CD27: variants seen among roughly 807,000 people sequenced by gnomAD.
CD27 encodes CD27 antigen.
In CD27, 16 loss-of-function variants were observed where a neutral mutation model predicts 25.9. The observed-to-expected ratio is 0.62, with a 90% CI of 0.42 to 0.94. The LOEUF is 0.94. CD27 is among the 40% of genes least tolerant of loss of function. CD27 has a pLI of 0.00. For missense variants in CD27, 300 were observed against 333.2 expected, an observed-to-expected ratio of 0.90 and a Z score of 0.78; for synonymous variants, 142 against 124.3, an observed-to-expected ratio of 1.14 and a Z score of -0.95.
At chr12:6,444,416 T>C (rs1476112929), upstream of CD27, among the ~76,000 whole-genome samples, 2 of 152,098 alleles carry the variant, frequency 1.3e-5, no homozygotes, top group African/African-American at 4.8e-5. Flanking sequence ...TGCAGAAATG[T>C]TGCGTTTGAT....
chr12:6,445,280 A>G lies in CD27; in HGVS notation c.136+49A>G. ...CCAGGTGAGTGGCGAAAGAGAGAGG[A>G]CTGGGGTTAATACAGTAAATAGGCG... On this transcript the variant is annotated intron_variant, in intron 1 of 5. Coordinates refer to ENST00000266557, the MANE Select transcript of CD27 (RefSeq NM_001242.5). The surrounding 1 kb of genome is among the most constrained non-coding windows in gnomAD (Gnocchi z 4.5). 6.2e-7 allele frequency: 1 copy of G among 1,611,862 alleles called. No homozygotes were observed. Among genetic ancestry groups the G allele is most frequent in the Non-Finnish European group, 8.5e-7 (1 of 1,179,152 alleles).
chr12:6,451,132 G>A, intron 5 of CD27, 118 bp downstream of exon 5: 1 of 1,548,018 alleles, frequency 6.5e-7, no homozygotes, highest in South Asian at 1.2e-5. Context: ...ACCAGCCTTG[G>A]TCCTACCCCT....
Position 6,450,226 on chromosome 12 carries a change from A to G in CD27, c.322A>G (p.Asn108Asp). ...ITANAECACR[N>D]GWQCRDKECT... Reference sequence around the variant, plus strand: ...TGCCAATGCTGAGTGTGCCTGTCGCAATGGCTGGCAGTGCAGGGACAAGGA... The same window carrying G: ...TGCCAATGCTGAGTGTGCCTGTCGCGATGGCTGGCAGTGCAGGGACAAGGA... The change falls in exon 3 of 6, where the codon AAT becomes GAT. Residue 108 changes from asparagine (N) to aspartate (D), a missense_variant. Asn to Asp is a conservative substitution (Grantham distance 23, BLOSUM62 1). Transcript: ENST00000266557. The surrounding 1 kb of genome is among the most constrained non-coding windows in gnomAD (Gnocchi z 4.1). 1.2e-6 allele frequency: 2 copies of G among 1,613,720 alleles called. No homozygotes were observed. The highest frequency in any genetic ancestry group is 8.5e-7 in the Non-Finnish European group (1 of 1,179,994).
rs1004836599 is a variant in CD27 at position 6,451,106 on chromosome 12, CCACCAGCTCCACTT to C, written c.658+100_658+113del. Reference sequence around the variant, plus strand: ...CCCACGCCTGGAATCTCACTGAAACCCACCAGCTCCACTTCACCAGCCTTGGTCCTACCCCTTCT... The same window carrying C: ...CCCACGCCTGGAATCTCACTGAAACCCACCAGCCTTGGTCCTACCCCTTCT... On this transcript the variant is annotated intron_variant, in intron 5 of 5. Coordinates refer to ENST00000266557, the MANE Select transcript of CD27 (RefSeq NM_001242.5). 5.9e-5 allele frequency: 93 copies of C among 1,574,654 alleles called. No individual in the cohort carries two copies. The Admixed American group carries it at 1.6e-3, about 26-fold the overall frequency.
chr12:6,451,636 C>G lies in CD27; in HGVS notation c.*244C>G, dbSNP rs1435975488. On this transcript the variant is annotated 3_prime_UTR_variant, in exon 6 of 6. Transcript: ENST00000266557. ...CCTGCGCTGCAGGAGGGCGGGGGCT[C>G]TGGTTGTAAAACACACTTCCTGCTG... is the stretch of plus-strand genomic sequence containing the variant. The G allele has an allele frequency of 4.0e-5, 19 of 475,684 alleles. No homozygotes were observed. The highest frequency in any genetic ancestry group is 6.0e-5 in the Non-Finnish European group (16 of 267,988). 29.5% of individuals were successfully genotyped at this position (475,684 alleles called of 1,614,324 possible).
chr12:6,451,358 A>G lies in CD27; in HGVS notation c.749A>G (p.Asp250Gly), dbSNP rs1421420258. Residue 250 changes from aspartate (D) to glycine (G), a missense_variant, in exon 6 of 6, where the codon GAT (aspartate) becomes GGT (glycine). Physicochemically the swap from Asp to Gly is moderately conservative, Grantham distance 94. Transcript: ENST00000266557. Reference sequence around the variant, plus strand: ...GGCAGCACCATCCCCATCCAGGAGGATTACCGAAAACCGGAGCCTGCCTGC... The same window carrying G: ...GGCAGCACCATCCCCATCCAGGAGGGTTACCGAAAACCGGAGCCTGCCTGC... ...EEGSTIPIQE[D>G]YRKPEPACSP 1.2e-6 allele frequency: 2 copies of G among 1,613,764 alleles called. No homozygotes were observed. The highest frequency in any genetic ancestry group is 4.5e-5 in the East Asian group (2 of 44,870).
chr12:6,450,488 GATGTGCCCT>G lies in CD27; in HGVS notation c.449-49_449-41del. On this transcript the variant is annotated intron_variant, in intron 3 of 5. Transcript: ENST00000266557. This position sits in a 1 kb window ranked among gnomAD's most constrained non-coding sequence, Gnocchi z 4.1. ...CCATCCAGCACCTCTCAGGCCTTCAGATGTGCCCTATGGGGTCCCCTGCTGCTACTCATT... is the reference window on the plus strand; with the variant it reads ...CCATCCAGCACCTCTCAGGCCTTCAGATGGGGTCCCCTGCTGCTACTCATT... 6.3e-7 allele frequency: 1 copy of G among 1,579,488 alleles called. No homozygotes were observed. Among genetic ancestry groups the G allele is most frequent in the Non-Finnish European group, 8.7e-7 (1 of 1,151,860 alleles).
intron 2 of CD27, among the ~76,000 whole-genome samples, chr12:6,449,497 T>C (rs904078674): frequency 3.3e-5 from 5 of 152,172 alleles, no homozygotes; most frequent in African/African-American, 1.2e-4. Flanking sequence ...TACAAATTCT[T>C]AAGCTTTACA....
chr12:6,449,433 C>T lies in CD27; in HGVS notation c.269-740C>T, dbSNP rs148570996. On this transcript the variant is annotated intron_variant, in intron 2 of 5. Transcript: ENST00000266557. ...GGTTCAAGCAATTCCCTGCCTCACC[C>T]GGCTATTTTATATTTGTTGATCTGC... Among the ~76,000 whole-genome samples, 223 of 151,986 alleles carry T rather than the reference C, an allele frequency of 1.5e-3. 1 individual carries two copies. The highest frequency in any genetic ancestry group is 5.0e-3 in the African/African-American group (207 of 41,432).
rs1312232245 is a variant in CD27 at position 6,450,259 on chromosome 12, G to C, written c.355G>C (p.Glu119Gln). 4.3e-6 allele frequency: 7 copies of C among 1,613,798 alleles called. No individual in the cohort carries two copies. The highest frequency in any genetic ancestry group is 5.9e-6 in the Non-Finnish European group (7 of 1,180,018). ...GWQCRDKECT[E>Q]CDPLPNPSLT... ...GCAGTGCAGGGACAAGGAGTGCACCGAGTGTGATCCTCTTCCAAACCCTTC... is the reference window on the plus strand; with the variant it reads ...GCAGTGCAGGGACAAGGAGTGCACCCAGTGTGATCCTCTTCCAAACCCTTC... The change falls in exon 3 of 6, where the codon GAG becomes CAG. Residue 119 changes from glutamate (E) to glutamine (Q), a missense_variant. Coordinates refer to ENST00000266557, the MANE Select transcript of CD27 (RefSeq NM_001242.5). The surrounding 1 kb of genome is among the most constrained non-coding windows in gnomAD (Gnocchi z 4.1).
chr12:6,448,084 G>A (rs1221230408), intron 2 of CD27: 6 of 152,322 alleles, frequency 3.9e-5, no homozygotes, highest in Non-Finnish European at 7.3e-5. Context: ...GCAACTCAGA[G>A]TCAGCATTCA....
Position 6,450,724 on chromosome 12 carries a change from A to G in CD27, c.538+94A>G, listed in dbSNP as rs1008588060. On this transcript the variant is annotated intron_variant, in intron 4 of 5. Transcript: ENST00000266557. This position sits in a 1 kb window ranked among gnomAD's most constrained non-coding sequence, Gnocchi z 4.1. ...CAGAAAGCTCCTAGGATTAGGGATAAGAGGAGGGGAAAAAGCAGAGTCCAC... is the reference window on the plus strand; with the variant it reads ...CAGAAAGCTCCTAGGATTAGGGATAGGAGGAGGGGAAAAAGCAGAGTCCAC... The G allele has an allele frequency of 7.0e-7, 1 of 1,423,010 alleles. No homozygotes were observed. Among genetic ancestry groups the G allele is most frequent in the Non-Finnish European group, 9.8e-7 (1 of 1,022,680 alleles). 88.1% of individuals were successfully genotyped at this position (1,423,010 alleles called of 1,614,324 possible). A position where few individuals can be genotyped will look rare whatever the true frequency, so the allele number is the denominator to read the frequency against.
Position 6,451,535 on chromosome 12 carries a change from C to A in CD27, c.*143C>A. On this transcript the variant is annotated 3_prime_UTR_variant, in exon 6 of 6. Transcript: ENST00000266557. Reference sequence around the variant, plus strand: ...TTTCCTGTGTACACGTGACAGAGTGCCTTTTCGAGACTGGCAGGGACGAGG... The same window carrying A: ...TTTCCTGTGTACACGTGACAGAGTGACTTTTCGAGACTGGCAGGGACGAGG... 2 of 854,582 alleles carry A rather than the reference C, an allele frequency of 2.3e-6. No homozygotes were observed. The highest frequency in any genetic ancestry group is 3.5e-6 in the Non-Finnish European group (2 of 565,818). 52.9% of individuals were successfully genotyped at this position (854,582 alleles called of 1,614,324 possible). A position where few individuals can be genotyped will look rare whatever the true frequency, so the allele number is the denominator to read the frequency against.
intron 2 of CD27, among the ~76,000 whole-genome samples, chr12:6,449,320 T>C (rs1315430635): frequency 7.1e-6 from 1 of 141,776 alleles, no homozygotes; most frequent in Middle Eastern, 3.3e-3. Flanking sequence ...CTTTTCTTTT[T>C]TTTTTTTTTT....
chr12:6,444,811 CAT>C, upstream of CD27: 1 of 332,062 alleles, frequency 3.0e-6, no homozygotes, highest in Non-Finnish European at 5.5e-6. Flanking sequence ...AAGGAAGGCT[CAT>C]GTGTTGGAGG....
chr12:6,445,550 A>G lies in CD27; in HGVS notation c.263A>G (p.Asn88Ser), dbSNP rs1277400185. 6 of 1,613,332 alleles carry G rather than the reference A, an allele frequency of 3.7e-6. No homozygotes were observed. Among genetic ancestry groups the G allele is most frequent in the Non-Finnish European group, 5.1e-6 (6 of 1,179,942 alleles). The change falls in exon 2 of 6, where the codon AAC becomes AGC. Residue 88 changes from asparagine (N) to serine (S), a missense_variant. Transcript: ENST00000266557. This position sits in a 1 kb window ranked among gnomAD's most constrained non-coding sequence, Gnocchi z 4.5. ...CACTGTGAGAGCTGTCGGCACTGTA[A>G]CTCTGGTGAGGTGGGCAAGGGTGTG... Reference protein sequence around the residue: ...RPHCESCRHCNSGLLVRNCTI... With the variant: ...RPHCESCRHCSSGLLVRNCTI...
Position 6,451,536 on chromosome 12 carries a change from C to CT in CD27, c.*148dup. 1 of 824,304 alleles carries CT rather than the reference C, an allele frequency of 1.2e-6. No homozygotes were observed. Among genetic ancestry groups the CT allele is most frequent in the Non-Finnish European group, 1.9e-6 (1 of 538,860 alleles). The allele number at this position is 824,304 out of a possible 1,614,324, so 51.1% of individuals were successfully genotyped here. On this transcript the variant is annotated 3_prime_UTR_variant, in exon 6 of 6. Transcript: ENST00000266557. ...TTCCTGTGTACACGTGACAGAGTGCCTTTTCGAGACTGGCAGGGACGAGGA... is the reference window on the plus strand; with the variant it reads ...TTCCTGTGTACACGTGACAGAGTGCCTTTTTCGAGACTGGCAGGGACGAGGA...
At chr12:6,446,776 T>TCACACACACACA (rs35670100) in intron 2 of CD27, among the ~76,000 whole-genome samples, 1 of 148,388 alleles carries the variant, frequency 6.7e-6, no homozygotes, top group Non-Finnish European at 1.5e-5. Flanking sequence ...AAACCCTTTT[T>TCACACACACACA]CACACACACA....
In CD27 at chr12:6,450,701, G is replaced by A. The variant is rs898255919; in HGVS notation, c.538+71G>A. ...GAGGGGCCAGGAGGGAAGCCAGACA[G>A]AAAGCTCCTAGGATTAGGGATAAGA... is the stretch of plus-strand genomic sequence containing the variant. On this transcript the variant is annotated intron_variant, in intron 4 of 5. Transcript: ENST00000266557. This position sits in a 1 kb window ranked among gnomAD's most constrained non-coding sequence, Gnocchi z 4.1. 8 of 1,489,780 alleles carry A rather than the reference G, an allele frequency of 5.4e-6. No homozygotes were observed. Among genetic ancestry groups the A allele is most frequent in the Non-Finnish European group, 7.4e-6 (8 of 1,078,038 alleles). The allele number at this position is 1,489,780 out of a possible 1,614,324, so 92.3% of individuals were successfully genotyped here.
Sources: allele counts gnomAD v4.1 joint callset (sites outside exome capture counted in the v4.1 genomes callset), GRCh38; gene constraint gnomAD v4.1.1; non-coding constraint Gnocchi (gnomAD v3.1); transcripts MANE v1.5; gene names NCBI Gene and HGNC (gene_info 2026-07-23, HGNC 2026-07-21).